BBX: variants seen among roughly 807,000 people sequenced by gnomAD.
BBX encodes the protein HMG box transcription factor BBX.
A neutral mutation model predicts 100.2 loss-of-function variants in BBX; 30 were observed. The observed-to-expected ratio is 0.30, with a 90% CI of 0.22 to 0.41. The LOEUF (loss-of-function observed/expected upper bound fraction) is 0.41, where lower values mean the gene tolerates loss of function less well. Among genes scored for constraint, BBX ranks in the 10% least tolerant of loss-of-function variants. The pLI, the probability that BBX is intolerant of heterozygous loss-of-function variation, is 1.00. For synonymous variants in BBX, 376 were observed against 388.1 expected (o/e 0.97, Z 0.37); for missense variants, 1,023 against 1,129.8 (o/e 0.91, Z 1.35).
intron 9 of BBX, among the ~76,000 whole-genome samples, chr3:107,753,472 A>G (rs2065232058): frequency 6.6e-6 from 1 of 152,142 alleles, no homozygotes; most frequent in South Asian, 2.1e-4. Flanking sequence ...GTACCTGTAA[A>G]CAGGTAAAAA....
intron 16 of BBX, 119 bp from the exon 17 acceptor site, chr3:107,800,976 C>A: frequency 3.1e-6 from 3 of 959,184 alleles, no homozygotes; most frequent in South Asian, 1.6e-5. Flanking sequence ...CGATGGATAG[C>A]AAAAGTGAAT....
intron 2 of BBX, among the ~76,000 whole-genome samples, chr3:107,528,357 A>G (rs1246707036): frequency 1.3e-5 from 2 of 152,178 alleles, no homozygotes; most frequent in East Asian, 1.9e-4. Context: ...AATGCTAGCT[A>G]TTGAAAAGGT....
At chr3:107,694,735 T>A (rs1472415480) in intron 3 of BBX, among the ~76,000 whole-genome samples, 1 of 151,482 alleles carries the variant, frequency 6.6e-6, no homozygotes, top group Non-Finnish European at 1.5e-5. Flanking sequence ...GGATTCCCTC[T>A]TTTTCTATTG....
intron 3 of BBX, among the ~76,000 whole-genome samples, chr3:107,660,109 T>C (rs911126788): frequency 6.6e-5 from 10 of 152,198 alleles, no homozygotes; most frequent in African/African-American, 2.4e-4. Flanking sequence ...TGCTCTTTTA[T>C]AATTAGTAGA....
chr3:107,570,300 T>A (rs2051255538), intron 2 of BBX, among the ~76,000 whole-genome samples: 1 of 152,152 alleles, frequency 6.6e-6, no homozygotes, highest in African/African-American at 2.4e-5. Context: ...TAAGTCCTGT[T>A]GTGGGGTTTG....
chr3:107,566,175 C>CAAAAAAA (rs754905445), intron 2 of BBX, among the ~76,000 whole-genome samples: 4 of 53,052 alleles, frequency 7.5e-5, no homozygotes, highest in African/African-American at 2.9e-4. Context: ...AACTCTGTCT[C>CAAAAAAA]AAAAAAAAAA....
intron 2 of BBX, among the ~76,000 whole-genome samples, chr3:107,630,813 A>G (rs1389558936): frequency 6.6e-6 from 1 of 152,162 alleles, no homozygotes; most frequent in Non-Finnish European, 1.5e-5. Context: ...ACCAACTCCT[A>G]GAAATACTCA....
At chr3:107,690,047 G>A (rs549103818) in intron 3 of BBX, among the ~76,000 whole-genome samples, 1 of 152,106 alleles carries the variant, frequency 6.6e-6, no homozygotes, top group Non-Finnish European at 1.5e-5. Flanking sequence ...AAATAAGGTA[G>A]CCTAGGGTTT....
chr3:107,622,566 C>T (rs1321150732), intron 2 of BBX, among the ~76,000 whole-genome samples: 1 of 152,144 alleles, frequency 6.6e-6, no homozygotes, highest in East Asian at 1.9e-4. Flanking sequence ...CTATCCTTTT[C>T]AACAGCATTT....
intron 3 of BBX, among the ~76,000 whole-genome samples, chr3:107,694,093 G>C (rs1367830030): frequency 1.5e-5 from 2 of 129,992 alleles, no homozygotes; most frequent in African/African-American, 6.2e-5. Context: ...GGAGATTTTG[G>C]GCTGAGACAA....
At chr3:107,722,158 A>C (rs13096487) in intron 5 of BBX, among the ~76,000 whole-genome samples, 16,334 of 152,046 alleles carry the variant, frequency 0.11, 1,172 homozygotes, top group Admixed American at 0.15. Flanking sequence ...TGATTTTGAA[A>C]TATTAGTCCA....
At chr3:107,749,022 T>C (rs915819285) in intron 9 of BBX, among the ~76,000 whole-genome samples, 1 of 152,160 alleles carries the variant, frequency 6.6e-6, no homozygotes, top group Non-Finnish European at 1.5e-5. Context: ...TGTTTCCTCT[T>C]GGGACAACTC....
intron 2 of BBX, chr3:107,641,647 A>G (rs185928336): frequency 6.6e-6 from 1 of 152,326 alleles, no homozygotes; most frequent in Non-Finnish European, 1.5e-5. Flanking sequence ...CTTTATTACT[A>G]TATTTAATGT....
At chr3:107,778,551 G>T (rs768481770) in intron 13 of BBX, 32 bp downstream of exon 13, 1 of 1,605,244 alleles carries the variant, frequency 6.2e-7, no homozygotes, top group South Asian at 1.1e-5. Flanking sequence ...CCTGCCATGT[G>T]GTCAGAATCT....
At chr3:107,715,990 T>A (rs1212865355) in intron 4 of BBX, among the ~76,000 whole-genome samples, 1 of 152,204 alleles carries the variant, frequency 6.6e-6, no homozygotes, top group East Asian at 1.9e-4. Context: ...CAAATAATCA[T>A]GTTAAATATC....
chr3:107,699,551 G>A (rs1229881617), intron 3 of BBX, among the ~76,000 whole-genome samples: 1 of 151,914 alleles, frequency 6.6e-6, no homozygotes, highest in African/African-American at 2.4e-5. Context: ...AAAGCTATAG[G>A]TAAGAAGATC....
chr3:107,774,688 CA>C, intron 11 of BBX, 30 bp from the exon 12 acceptor site: 2 of 1,608,746 alleles, frequency 1.2e-6, no homozygotes, highest in Non-Finnish European at 1.7e-6. Context: ...ACCTGTATAC[CA>C]AACACATCCT....
intron 3 of BBX, among the ~76,000 whole-genome samples, chr3:107,698,002 C>G (rs2060767340): frequency 6.6e-6 from 1 of 151,958 alleles, no homozygotes; most frequent in African/African-American, 2.4e-5. Flanking sequence ...AGGAAGGGAA[C>G]TCCCTGACCC....
At chr3:107,576,307 A>G (rs1024862870) in intron 2 of BBX, among the ~76,000 whole-genome samples, 1 of 152,236 alleles carries the variant, frequency 6.6e-6, no homozygotes, top group Non-Finnish European at 1.5e-5. Flanking sequence ...TTAGAATTAA[A>G]TAGCTATTTT....
Sources: allele counts gnomAD v4.1 joint callset (sites outside exome capture counted in the v4.1 genomes callset), GRCh38; gene constraint gnomAD v4.1.1; transcripts MANE v1.5; gene names NCBI Gene and HGNC (gene_info 2026-07-23, HGNC 2026-07-21).